Variants in MCM8 observed in about 807,000 individuals in gnomAD.
The protein encoded by MCM8 is minichromosome maintenance 8 homologous recombination repair factor.
In MCM8, 85 loss-of-function variants were observed where a neutral mutation model predicts 98.9. That is an observed-to-expected ratio of 0.86 (90% CI 0.72 to 1.03). MCM8 has a LOEUF of 1.03. Ranked by LOEUF, MCM8 falls within the 50% of genes least tolerant of loss-of-function variation. The pLI is 0.00. For synonymous variants in MCM8, 352 were observed against 338.6 expected (o/e 1.04, Z -0.44); for missense variants, 951 against 997.8 (o/e 0.95, Z 0.63).
chr20:5,957,597 C>T (rs539178734), intron 6 of MCM8, among the ~76,000 whole-genome samples: 14 of 152,224 alleles, frequency 9.2e-5, no homozygotes, highest in African/African-American at 2.2e-4. Context: ...AGCCCTGACA[C>T]GACACTGAAA....
At chr20:5,981,927 T>C (rs527769665) in intron 13 of MCM8, among the ~76,000 whole-genome samples, 2 of 152,294 alleles carry the variant, frequency 1.3e-5, no homozygotes, top group East Asian at 3.9e-4. Flanking sequence ...TGAGAAATTA[T>C]AAAGAGGAAA....
In MCM8 at chr20:5,952,168, GT is replaced by G; in HGVS notation, c.148+6del. The G allele has an allele frequency of 6.2e-7, 1 of 1,612,862 alleles. No homozygotes were observed. The highest frequency in any genetic ancestry group is 8.5e-7 in the Non-Finnish European group (1 of 1,179,820). ...CCACAGGAAAACGTACTTCTGGTAG[GT>G]GAGGTCAATGATTGTTCAATTTTTT... On this transcript the variant is annotated splice_donor_region_variant and intron_variant, in intron 2 of 18. Coordinates refer to ENST00000610722, the MANE Select transcript of MCM8 (RefSeq NM_032485.6).
chr20:5,972,220 T>C (rs1234137062), intron 11 of MCM8, among the ~76,000 whole-genome samples, 183 bp downstream of exon 11: 1 of 152,054 alleles, frequency 6.6e-6, no homozygotes, highest in Non-Finnish European at 1.5e-5. Flanking sequence ...TTTTTAATTT[T>C]TTGAGACAGG....
intron 12 of MCM8, among the ~76,000 whole-genome samples, chr20:5,976,696 A>G (rs2089518558): frequency 6.6e-6 from 1 of 152,198 alleles, no homozygotes; most frequent in Non-Finnish European, 1.5e-5. Flanking sequence ...CATCTCATCA[A>G]CAGGTGCATT....
intron 12 of MCM8, among the ~76,000 whole-genome samples, chr20:5,977,443 T>G (rs190914960): frequency 6.6e-6 from 1 of 152,262 alleles, no homozygotes; most frequent in Non-Finnish European, 1.5e-5. Context: ...TGGCCTGTTA[T>G]AGCATGTTTG....
intron 8 of MCM8, chr20:5,965,193 T>G (rs1252055147): frequency 6.6e-6 from 1 of 152,200 alleles, no homozygotes; most frequent in Non-Finnish European, 1.5e-5. Context: ...GATATGGCAT[T>G]CCCCGGGATA....
intron 13 of MCM8, among the ~76,000 whole-genome samples, chr20:5,980,044 C>T (rs1022797219): frequency 7.2e-5 from 11 of 152,144 alleles, no homozygotes; most frequent in Non-Finnish European, 1.2e-4. Context: ...ACTTACTGTT[C>T]TGTTTGCCTG....
intron 17 of MCM8, among the ~76,000 whole-genome samples, chr20:5,989,170 G>A (rs962318974): frequency 1.7e-4 from 25 of 146,492 alleles, no homozygotes; most frequent in African/African-American, 6.3e-4. Flanking sequence ...GGGCTGGAGT[G>A]CAGTGGTGTG....
At chr20:5,990,323 C>T (rs1343042761) in intron 17 of MCM8, among the ~76,000 whole-genome samples, 1 of 152,096 alleles carries the variant, frequency 6.6e-6, no homozygotes, top group African/African-American at 2.4e-5. Flanking sequence ...GTGATCTGCC[C>T]ACGTTGGCCT....
chr20:5,959,723 G>T (rs2089090293), intron 7 of MCM8, among the ~76,000 whole-genome samples: 1 of 130,388 alleles, frequency 7.7e-6, no homozygotes, highest in Admixed American at 8.7e-5. Context: ...TTTTGAGACG[G>T]AGTCTCGCTC....
At chr20:5,966,596 T>A (rs958523762) in intron 8 of MCM8, among the ~76,000 whole-genome samples, 1 of 152,236 alleles carries the variant, frequency 6.6e-6, no homozygotes, top group Non-Finnish European at 1.5e-5. Context: ...AAATGTCTGA[T>A]GAGGAATGAG....
chr20:5,952,470 G>A lies in MCM8; in HGVS notation c.195G>A (p.Met65Ile). The A allele has an allele frequency of 3.7e-6, 6 of 1,614,056 alleles. No individual in the cohort carries two copies. Among genetic ancestry groups the A allele is most frequent in the Non-Finnish European group, 5.1e-6 (6 of 1,179,996 alleles). ...FLLSTKTPQS[M>I]QSTLDRFIPY... ...TTTCAACAAAGACCCCACAGTCAATGCAGTCAACATTGGATCGATTCATAC... is the reference window on the plus strand; with the variant it reads ...TTTCAACAAAGACCCCACAGTCAATACAGTCAACATTGGATCGATTCATAC... The change falls in exon 3 of 19, where the codon ATG (methionine) becomes ATA (isoleucine). Residue 65 changes from methionine to isoleucine, a missense_variant. By Grantham distance (10) the Met-to-Ile change is conservative. Transcript: ENST00000610722.
rs570767068 is a variant in MCM8 at position 5,990,366 on chromosome 20, C to T, written c.2240+3008C>T. 2.5e-4 allele frequency among the ~76,000 whole-genome samples: 38 copies of T among 152,190 alleles called. No homozygotes were observed. The South Asian group carries it at 7.3e-3, about 29-fold the overall frequency. ...TGCTGGGATTACAGGTGGGAGCCAC[C>T]GCGCCTGACATCACACAGTCCTTGA... On this transcript the variant is annotated intron_variant, in intron 17 of 18. Coordinates refer to ENST00000610722, the MANE Select transcript of MCM8 (RefSeq NM_032485.6).
At chr20:5,954,489 A>G in intron 3 of MCM8, 119 bp from the exon 4 acceptor site, 2 of 512,806 alleles carry the variant, frequency 3.9e-6, no homozygotes, top group Non-Finnish European at 7.0e-6. Flanking sequence ...GAATGTAATC[A>G]AAATACAAAG....
rs1438004047 is a variant in MCM8 at position 5,973,312 on chromosome 20, C to T, written c.1395+116C>T. 1.0e-5 allele frequency: 13 copies of T among 1,305,834 alleles called. No homozygotes were observed. The Admixed American group carries it at 1.1e-4, about 11-fold the overall frequency. 80.9% of individuals were successfully genotyped at this position (1,305,834 alleles called of 1,614,324 possible). On this transcript the variant is annotated intron_variant, in intron 12 of 18. Transcript: ENST00000610722. ...TGTTCCAGAGGACATGGTTAGGTGG[C>T]GTAAATGAATTGGAATTTGTGTGAG...
At chr20:5,971,181 T>C (rs990951462) in intron 10 of MCM8, among the ~76,000 whole-genome samples, 2 of 152,164 alleles carry the variant, frequency 1.3e-5, no homozygotes, top group African/African-American at 4.8e-5. Context: ...TCTTAAGATT[T>C]AACCTGAAAG....
rs186896649 is a variant in MCM8, at chr20:5,954,977, T to C, written c.337-125T>C. 5.4e-5 allele frequency: 37 copies of C among 687,884 alleles called. 1 individual carries two copies. In the Admixed American group the frequency reaches 6.6e-4, roughly 12 times the overall value. The allele number at this position is 687,884 out of a possible 1,614,324, so 42.6% of individuals were successfully genotyped here. ...ATGCTTGGCACAAAGCTTATACTTA[T>C]GTCATACTTACCATTATCACATATA... On this transcript the variant is annotated intron_variant, in intron 4 of 18. Coordinates refer to ENST00000610722, the MANE Select transcript of MCM8 (RefSeq NM_032485.6).
chr20:5,974,506 G>T (rs924545703), intron 12 of MCM8, among the ~76,000 whole-genome samples: 1 of 152,208 alleles, frequency 6.6e-6, no homozygotes, highest in Non-Finnish European at 1.5e-5. Context: ...TGGCCCTTTA[G>T]TAAGTTGTAG....
chr20:5,964,272 G>A (rs371818040), intron 8 of MCM8, among the ~76,000 whole-genome samples: 22 of 152,190 alleles, frequency 1.4e-4, no homozygotes, highest in African/African-American at 5.3e-4. Context: ...AGCAAACCTG[G>A]CTGAAATGAG....
Sources: allele counts gnomAD v4.1 joint callset (sites outside exome capture counted in the v4.1 genomes callset), GRCh38; gene constraint gnomAD v4.1.1; transcripts MANE v1.5; gene names NCBI Gene and HGNC (gene_info 2026-07-23, HGNC 2026-07-21).